Variants in CDH18 observed in about 807,000 individuals in gnomAD.
The protein encoded by CDH18 is cadherin-18.
In CDH18, 31 loss-of-function variants were observed where a neutral mutation model predicts 67.9. That is an observed-to-expected ratio of 0.46 (90% CI 0.34 to 0.62). The LOEUF (loss-of-function observed/expected upper bound fraction) is 0.62, where lower values mean the gene tolerates loss of function less well. Ranked by LOEUF, CDH18 falls within the 20% of genes least tolerant of loss-of-function variation. CDH18 has a pLI of 0.01. For missense variants in CDH18, 890 were observed against 975.5 expected (o/e 0.91, Z 1.17); for synonymous variants, 362 against 347.2 (o/e 1.04, Z -0.48).
chr5:19,625,915 C>A (rs1032253729), intron 5 of CDH18, among the ~76,000 whole-genome samples: 1 of 152,078 alleles, frequency 6.6e-6, no homozygotes, highest in Non-Finnish European at 1.5e-5. Flanking sequence ...GTCCCTTTTC[C>A]CCCCTTTTCT....
At chr5:19,988,947 C>G (rs1799816203), upstream of CDH18, among the ~76,000 whole-genome samples, 1 of 152,138 alleles carries the variant, frequency 6.6e-6, no homozygotes, top group East Asian at 1.9e-4. Context: ...GCTTTTCCAA[C>G]CCCCTTTGAT....
At chr5:20,466,073 C>G (rs540904784) in intron 1 of CDH18, among the ~76,000 whole-genome samples, 2 of 152,148 alleles carry the variant, frequency 1.3e-5, no homozygotes, top group East Asian at 1.9e-4. Flanking sequence ...AATTAAATTA[C>G]TGCCCTTGAA....
chr5:19,726,597 G>T (rs1041407166), intron 4 of CDH18, among the ~76,000 whole-genome samples: 1 of 152,164 alleles, frequency 6.6e-6, no homozygotes, highest in African/African-American at 2.4e-5. Flanking sequence ...TTGCCCTACT[G>T]TTCAAGGATC....
At chr5:20,320,887 G>A (rs1737957269) in intron 1 of CDH18, among the ~76,000 whole-genome samples, 1 of 152,068 alleles carries the variant, frequency 6.6e-6, no homozygotes, top group African/African-American at 2.4e-5. Flanking sequence ...CCTGTACATA[G>A]TATGTACAGG....
chr5:20,250,640 T>G (rs1321637805), intron 2 of CDH18, among the ~76,000 whole-genome samples: 1 of 108,530 alleles, frequency 9.2e-6, no homozygotes, highest in African/African-American at 3.8e-5. Context: ...TCTTGTTCTG[T>G]CGCCCAGGCT....
intron 2 of CDH18, among the ~76,000 whole-genome samples, chr5:19,963,011 T>C (rs1204867704): frequency 6.6e-6 from 1 of 152,054 alleles, no homozygotes; most frequent in African/African-American, 2.4e-5. Flanking sequence ...TTAAATGTAT[T>C]CTCTTATTTC....
At chr5:19,683,056 C>CAT (rs540442266) in intron 5 of CDH18, among the ~76,000 whole-genome samples, 85 of 151,656 alleles carry the variant, frequency 5.6e-4, no homozygotes, top group Middle Eastern at 3.4e-3. Context: ...TTTTACAGAA[C>CAT]ATATATATAT....
At chr5:20,170,995 A>G (rs1010942491) in intron 2 of CDH18, among the ~76,000 whole-genome samples, 1 of 151,702 alleles carries the variant, frequency 6.6e-6, no homozygotes, top group African/African-American at 2.4e-5. Context: ...GCTAAGGATA[A>G]TGGCCTCTAG....
intron 2 of CDH18, among the ~76,000 whole-genome samples, chr5:19,865,304 G>T (rs978200914): frequency 1.3e-5 from 2 of 152,028 alleles, no homozygotes; most frequent in Non-Finnish European, 2.9e-5. Context: ...GTGAGTTCTT[G>T]ATCCTTCCTT....
intron 2 of CDH18, among the ~76,000 whole-genome samples, chr5:19,903,245 T>C (rs1433481431): frequency 6.6e-6 from 1 of 151,618 alleles, no homozygotes; most frequent in African/African-American, 2.4e-5. Context: ...AAAGGGGAAG[T>C]GTTAATTAAT....
intron 1 of CDH18, among the ~76,000 whole-genome samples, chr5:20,453,033 CTA>C (rs1422469942): frequency 1.3e-5 from 2 of 152,142 alleles, no homozygotes. Context: ...AATCAGCCAC[CTA>C]TTTGGTAAAA....
At chr5:20,350,581 T>G (rs1048359944) in intron 1 of CDH18, among the ~76,000 whole-genome samples, 1 of 152,168 alleles carries the variant, frequency 6.6e-6, no homozygotes, top group African/African-American at 2.4e-5. Context: ...TTAATTGTCT[T>G]GTGCAGACTT....
At position 20,163,309 on chromosome 5, in the gene CDH18, G is replaced by C. The variant is rs975291850; in HGVS notation, c.-518+92135C>G. 8.6e-5 allele frequency among the ~76,000 whole-genome samples: 13 copies of C among 151,938 alleles called. 1 individual carries two copies. In the East Asian group the frequency reaches 1.9e-3, roughly 23 times the overall value. ...ATTACTTAGTATTATCCAATATTAT[G>C]CTTATAATTAAATTTTCCCCAATTT... is the stretch of plus-strand genomic sequence containing the variant. On this transcript the variant is annotated intron_variant, in intron 2 of 14. Transcript: ENST00000507958.
chr5:19,556,921 T>C (rs958416305), intron 8 of CDH18, among the ~76,000 whole-genome samples: 1 of 152,010 alleles, frequency 6.6e-6, no homozygotes, highest in Non-Finnish European at 1.5e-5. Context: ...GGAAAACGTA[T>C]CAGATTAACA....
At position 20,350,976 on chromosome 5, in the gene CDH18, A is replaced by T. The variant is rs978500771; in HGVS notation, c.-579-95471T>A. On this transcript the variant is annotated intron_variant, in intron 1 of 14. Coordinates refer to the CDH18 transcript ENST00000507958. ...CTAAATCCTTCCATTTTGGAAAAGTAAAAAAAAAAGGAGAACTTTTTCATA... is the reference window on the plus strand; with the variant it reads ...CTAAATCCTTCCATTTTGGAAAAGTTAAAAAAAAAGGAGAACTTTTTCATA... Among the ~76,000 whole-genome samples, 5 of 135,972 alleles carry T rather than the reference A, an allele frequency of 3.7e-5. No individual in the cohort carries two copies. In the South Asian group the frequency reaches 8.9e-4, roughly 24 times the overall value. 89.2% of individuals were successfully genotyped at this position (135,972 alleles called of 152,430 possible). A position where few individuals can be genotyped will look rare whatever the true frequency, so the allele number is the denominator to read the frequency against.
intron 6 of CDH18, among the ~76,000 whole-genome samples, chr5:19,594,153 G>GTTTGT (rs918710340): frequency 2.0e-5 from 3 of 151,656 alleles, no homozygotes; most frequent in South Asian, 2.1e-4. Context: ...TTTTTTGTTT[G>GTTTGT]TTTGTTTTGT....
chr5:20,230,262 T>C (rs1245695052), intron 2 of CDH18, among the ~76,000 whole-genome samples: 1 of 152,134 alleles, frequency 6.6e-6, no homozygotes, highest in Non-Finnish European at 1.5e-5. Context: ...GAATCACATA[T>C]GTGGTCATCC....
chr5:19,796,512 A>G (rs1247854299), intron 3 of CDH18, among the ~76,000 whole-genome samples: 1 of 152,132 alleles, frequency 6.6e-6, no homozygotes, highest in East Asian at 1.9e-4. Flanking sequence ...AAATAAAACT[A>G]TTTTCAGATA....
At chr5:20,535,304 T>G (rs1756649930) in intron 1 of CDH18, among the ~76,000 whole-genome samples, 1 of 152,098 alleles carries the variant, frequency 6.6e-6, no homozygotes, top group South Asian at 2.1e-4. Context: ...ATAGCCACCT[T>G]GCTTGACCCT....
Sources: gnomAD v4.1 joint callset for allele counts (sites outside exome capture counted in the v4.1 genomes callset) on GRCh38, gnomAD v4.1.1 for gene constraint, MANE v1.5 for transcripts, NCBI Gene and HGNC (gene_info 2026-07-23, HGNC 2026-07-21) for gene names.